PCDH15: variants seen among roughly 807,000 people sequenced by gnomAD.
PCDH15 encodes the protein protocadherin related 15, also known as protocadherin-15.
Under a neutral mutation model 178.5 loss-of-function variants are expected in PCDH15, and 129 were observed. The ratio of observed to expected loss-of-function variants is 0.72; its 90% CI spans 0.63 to 0.84. PCDH15 has a LOEUF of 0.84. Among genes scored for constraint, PCDH15 ranks in the 40% least tolerant of loss-of-function variants. The pLI, the probability that PCDH15 is intolerant of heterozygous loss-of-function variation, is 0.00. For missense variants in PCDH15, 2,230 were observed against 2,099.9 expected, an observed-to-expected ratio of 1.06 and a Z score of -1.21; for synonymous variants, 800 against 732.0, an observed-to-expected ratio of 1.09 and a Z score of -1.50.
chr10:54,650,619 G>A (rs1363690821), intron 2 of PCDH15, among the ~76,000 whole-genome samples: 3 of 152,074 alleles, frequency 2.0e-5, no homozygotes, highest in East Asian at 1.9e-4. Flanking sequence ...CTGAGACTAG[G>A]TAAAATATGA....
chr10:54,134,066 C>T lies in PCDH15; in HGVS notation c.1785-1059G>A, dbSNP rs562118268. ...TATTTATTTATTTATTTATTTGAGA[C>T]GGAGAGTTGCTCTCCAGCCCAGGCT... is the stretch of plus-strand genomic sequence containing the variant. On this transcript the variant is annotated intron_variant, in intron 14 of 37. Coordinates refer to ENST00000644397, the MANE Select transcript of PCDH15 (RefSeq NM_001384140.1). Among the ~76,000 whole-genome samples the T allele has an allele frequency of 2.3e-3, 313 of 134,500 alleles. 52 individuals are homozygous for T. The highest frequency in any genetic ancestry group is 3.6e-3 in the Non-Finnish European group (221 of 62,232). 88.2% of individuals were successfully genotyped at this position (134,500 alleles called of 152,430 possible).
intron 14 of PCDH15, among the ~76,000 whole-genome samples, chr10:54,148,554 T>C (rs1191468779): frequency 6.6e-6 from 1 of 152,062 alleles, no homozygotes; most frequent in African/African-American, 2.4e-5. Context: ...TGCACTTAGT[T>C]GAATCTACTG....
intron 2 of PCDH15, among the ~76,000 whole-genome samples, chr10:54,652,473 G>A (rs1471143330): frequency 6.6e-6 from 1 of 152,134 alleles, no homozygotes; most frequent in Non-Finnish European, 1.5e-5. Context: ...TTCCTAACTG[G>A]AATCTATCTC....
chr10:53,926,434 A>T (rs916596820), intron 25 of PCDH15, among the ~76,000 whole-genome samples: 2 of 152,222 alleles, frequency 1.3e-5, no homozygotes, highest in African/African-American at 4.8e-5. Context: ...AGATCACAAA[A>T]ATATGTATTA....
chr10:54,076,215 A>T (rs1392657546), intron 17 of PCDH15, among the ~76,000 whole-genome samples: 1 of 151,996 alleles, frequency 6.6e-6, no homozygotes, highest in Non-Finnish European at 1.5e-5. Context: ...ATTCTTTTGG[A>T]TACTATTGCA....
intron 2 of PCDH15, among the ~76,000 whole-genome samples, chr10:55,421,990 T>A (rs76305190): frequency 0.019 from 2,835 of 151,854 alleles, 87 homozygotes; most frequent in African/African-American, 0.063. Context: ...TCATTTTTCA[T>A]AAAATTTCCT....
chr10:54,063,215 G>T (rs752895590), intron 18 of PCDH15, among the ~76,000 whole-genome samples: 1 of 151,980 alleles, frequency 6.6e-6, no homozygotes, highest in Admixed American at 6.6e-5. Flanking sequence ...TGGCTCCCCC[G>T]TCACCTTCTA....
Position 54,036,407 on chromosome 10 carries a change from T to C in PCDH15, c.2221-13210A>G, listed in dbSNP as rs887044171. Among the ~76,000 whole-genome samples, 7 of 151,966 alleles carry C rather than the reference T, an allele frequency of 4.6e-5. No individual in the cohort carries two copies. The East Asian group carries it at 9.7e-4, about 21-fold the overall frequency. ...GACTTTAAGTTGAAGCCAATATTTATTGACCATTCTGAAAATCCTAGTGCA... is the reference window on the plus strand; with the variant it reads ...GACTTTAAGTTGAAGCCAATATTTACTGACCATTCTGAAAATCCTAGTGCA... On this transcript the variant is annotated intron_variant, in intron 18 of 37. Coordinates refer to ENST00000644397, the MANE Select transcript of PCDH15 (RefSeq NM_001384140.1).
Position 54,106,908 on chromosome 10 carries a change from C to G in PCDH15, c.1918-16845G>C, listed in dbSNP as rs569850789. ...TTAAAACATTGGAAGATTATTTTGT[C>G]AAATACACATATAATCCAGGTCAAG... On this transcript the variant is annotated intron_variant, in intron 15 of 37. Coordinates refer to ENST00000644397, the MANE Select transcript of PCDH15 (RefSeq NM_001384140.1). Among the ~76,000 whole-genome samples the G allele has an allele frequency of 1.2e-4, 18 of 152,196 alleles. No individual in the cohort carries two copies. The East Asian group carries it at 3.1e-3, about 26-fold the overall frequency.
intron 14 of PCDH15, 126 bp from the exon 15 acceptor site, chr10:54,133,133 CAATCAAAATG>C (rs1456888703): frequency 1.3e-5 from 15 of 1,154,122 alleles, no homozygotes; most frequent in Non-Finnish European, 1.9e-5. Context: ...AAAAATAATA[CAATCAAAATG>C]AAAGGATAGA....
At chr10:54,578,568 T>C (rs2090736953) in intron 2 of PCDH15, among the ~76,000 whole-genome samples, 1 of 152,130 alleles carries the variant, frequency 6.6e-6, no homozygotes, top group Non-Finnish European at 1.5e-5. Flanking sequence ...TGTTTAGGTC[T>C]TCCAAGTCAG....
At chr10:54,582,559 C>A (rs1421260880) in intron 2 of PCDH15, among the ~76,000 whole-genome samples, 1 of 152,008 alleles carries the variant, frequency 6.6e-6, no homozygotes, top group African/African-American at 2.4e-5. Flanking sequence ...CTCTTATTTT[C>A]TTTTTAAACA....
chr10:54,881,349 G>A (rs1954259088), intron 3 of PCDH15, among the ~76,000 whole-genome samples: 1 of 151,970 alleles, frequency 6.6e-6, no homozygotes, highest in African/African-American at 2.4e-5. Flanking sequence ...TATGAACAAG[G>A]TCTCTATAGA....
intron 1 of PCDH15, among the ~76,000 whole-genome samples, chr10:55,238,740 G>T (rs1330774933): frequency 1.3e-5 from 2 of 151,110 alleles, no homozygotes; most frequent in Non-Finnish European, 1.5e-5. Context: ...ATTTTTATGG[G>T]TACATAATCA....
intron 2 of PCDH15, among the ~76,000 whole-genome samples, chr10:55,382,100 G>A (rs1316122922): frequency 6.6e-6 from 1 of 152,058 alleles, no homozygotes; most frequent in African/African-American, 2.4e-5. Flanking sequence ...GCCTGTTTGG[G>A]TCACATTTTG....
At chr10:55,307,494 C>A (rs1480981001) in intron 1 of PCDH15, among the ~76,000 whole-genome samples, 5 of 149,938 alleles carry the variant, frequency 3.3e-5, no homozygotes, top group East Asian at 3.9e-4. Context: ...CAGAGCAGAG[C>A]GAGACTCCAT....
intron 2 of PCDH15, among the ~76,000 whole-genome samples, chr10:54,651,344 G>A (rs1422624885): frequency 1.3e-5 from 2 of 152,116 alleles, no homozygotes; most frequent in Non-Finnish European, 2.9e-5. Flanking sequence ...ATCACAAAGG[G>A]CCAAGAAAGC....
At position 53,855,223 on chromosome 10, in the gene PCDH15, T is replaced by C. The variant is rs543667547; in HGVS notation, c.3806+1952A>G. Among the ~76,000 whole-genome samples the C allele has an allele frequency of 5.9e-5, 9 of 152,166 alleles. No individual in the cohort carries two copies. The South Asian group carries it at 8.3e-4, about 14-fold the overall frequency. ...ATAATAATAACATTAGATAATGCTT[T>C]GTAGAAAAATAAACTAGAATAAAGG... On this transcript the variant is annotated intron_variant, in intron 28 of 37. Coordinates refer to ENST00000644397, the MANE Select transcript of PCDH15 (RefSeq NM_001384140.1).
chr10:53,810,689 A>C, intron 36 of PCDH15, 25 bp from the exon 37 acceptor site: 2 of 1,582,948 alleles, frequency 1.3e-6, no homozygotes, highest in Non-Finnish European at 1.7e-6. Context: ...TACATCTTTA[A>C]ACAGTTTGTC....
Sources: allele counts gnomAD v4.1 joint callset (sites outside exome capture counted in the v4.1 genomes callset), GRCh38; gene constraint gnomAD v4.1.1; transcripts MANE v1.5; gene names NCBI Gene and HGNC (gene_info 2026-07-23, HGNC 2026-07-21).